The following ADGRG2 variants were observed in gnomAD, a reference collection of about 807,000 sequenced individuals.
ADGRG2 encodes G protein-coupled receptor 64.
A neutral mutation model predicts 74.1 loss-of-function variants in ADGRG2; 26 were observed. The ratio of observed to expected loss-of-function variants is 0.35; its 90% CI spans 0.26 to 0.49. The LOEUF is 0.49. Among genes scored for constraint, ADGRG2 ranks in the 20% least tolerant of loss-of-function variants. The pLI is 0.99. For synonymous variants in ADGRG2, 296 were observed against 295.2 expected (o/e 1.00, Z -0.03); for missense variants, 619 against 763.1 (o/e 0.81, Z 2.22).
chrX:19,117,748 C>G (rs1019874635), intron 1 of ADGRG2, among the ~76,000 whole-genome samples: 2 of 110,713 alleles, frequency 1.8e-5, no homozygotes, highest in Admixed American at 1.9e-4. Context: ...ACCCAGGAGG[C>G]GGAGGTTGCA....
chrX:19,022,138 C>G (rs1376007312), intron 13 of ADGRG2, among the ~76,000 whole-genome samples: 1 of 109,870 alleles, frequency 9.1e-6, no homozygotes, highest in East Asian at 2.9e-4. Flanking sequence ...GTGGTGGGTG[C>G]CTGTAATCCC....
Position 19,037,573 on chromosome X carries a change from T to C in ADGRG2, c.202+16A>G, listed in dbSNP as rs1477267703. ...AATTGGACTAAATCTAGGTTTAAATTTTTTCAAAATCTTGCCTGGAGTACC... is the reference window on the plus strand; with the variant it reads ...AATTGGACTAAATCTAGGTTTAAATCTTTTCAAAATCTTGCCTGGAGTACC... On this transcript the variant is annotated intron_variant, in intron 5 of 28. Coordinates refer to ENST00000379869, the MANE Select transcript of ADGRG2 (RefSeq NM_001079858.3). 1.7e-6 allele frequency: 2 copies of C among 1,165,672 alleles called. No homozygotes were observed. Among genetic ancestry groups the C allele is most frequent in the Admixed American group, 2.3e-5 (1 of 42,793 alleles).
intron 19 of ADGRG2, among the ~76,000 whole-genome samples, chrX:19,007,622 C>T (rs996356593): frequency 3.6e-5 from 4 of 111,767 alleles, no homozygotes; most frequent in Non-Finnish European, 7.5e-5. Context: ...AGCATTAAGC[C>T]ATTTAAGCCG....
chrX:19,105,854 G>A (rs144227559), intron 1 of ADGRG2, among the ~76,000 whole-genome samples: 50 of 103,867 alleles, frequency 4.8e-4, no homozygotes, highest in Non-Finnish European at 7.2e-4. Flanking sequence ...CTTGAACCTG[G>A]GAGGCGGAGG....
chrX:19,065,285 A>G (rs1161755948), intron 3 of ADGRG2, among the ~76,000 whole-genome samples: 44 of 97,482 alleles, frequency 4.5e-4, no homozygotes, highest in African/African-American at 1.6e-3. Context: ...AAAAAAAAAA[A>G]GTAAAGAAAA....
intron 28 of ADGRG2, among the ~76,000 whole-genome samples, chrX:18,992,328 C>T (rs898745313): frequency 3.6e-5 from 4 of 112,471 alleles, no homozygotes; most frequent in African/African-American, 9.7e-5. Flanking sequence ...CTCGTTCTGT[C>T]GCCCATGCTG....
rs554821366 is a variant in ADGRG2 at position 19,085,374 on chromosome X, G to A, written c.-46-2628C>T. On this transcript the variant is annotated intron_variant, in intron 1 of 28. Transcript: ENST00000379869. Reference sequence around the variant, plus strand: ...AATGGGGTCTTGCCTTGTCGCCCAGGCTGAAGTGCAGTGGCTCGATCACAG... The same window carrying A: ...AATGGGGTCTTGCCTTGTCGCCCAGACTGAAGTGCAGTGGCTCGATCACAG... Among the ~76,000 whole-genome samples, 65 of 111,509 alleles carry A rather than the reference G, an allele frequency of 5.8e-4. 1 individual carries two copies. In the South Asian group the frequency reaches 0.024, roughly 41 times the overall value.
chrX:19,104,333 AC>A (rs1381197950), intron 1 of ADGRG2, among the ~76,000 whole-genome samples: 1 of 111,043 alleles, frequency 9.0e-6, no homozygotes, highest in East Asian at 2.9e-4. Flanking sequence ...CCCTCTGGGT[AC>A]AGGTCAAAAA....
chrX:19,092,991 A>C (rs1436381168), intron 1 of ADGRG2, among the ~76,000 whole-genome samples: 1 of 112,291 alleles, frequency 8.9e-6, no homozygotes, highest in Non-Finnish European at 1.9e-5. Context: ...AGTAGGTCAC[A>C]AGGCCTTCAC....
At chrX:19,084,717 C>T (rs1426497493) in intron 1 of ADGRG2, among the ~76,000 whole-genome samples, 1 of 112,267 alleles carries the variant, frequency 8.9e-6, no homozygotes, top group African/African-American at 3.2e-5. Flanking sequence ...CCCAAGCACA[C>T]TACCTCTTCC....
chrX:19,056,368 CGAG>C (rs1044457274), intron 3 of ADGRG2, among the ~76,000 whole-genome samples: 1 of 111,616 alleles, frequency 9.0e-6, no homozygotes, highest in Non-Finnish European at 1.9e-5. Context: ...AGCATGAACC[CGAG>C]GAGGAGAAGT....
At chrX:19,006,189 A>G (rs1278085254) in intron 21 of ADGRG2, 31 bp downstream of exon 21, 1 of 1,152,898 alleles carries the variant, frequency 8.7e-7, no homozygotes, top group Admixed American at 2.2e-5. Context: ...AACCCACTCA[A>G]GAGTTTGAAA....
chrX:19,095,659 T>C (rs1485710627), intron 1 of ADGRG2, among the ~76,000 whole-genome samples: 2 of 111,159 alleles, frequency 1.8e-5, no homozygotes, highest in East Asian at 5.6e-4. Context: ...AATTCTCTCA[T>C]CCAAAATAAA....
At chrX:19,045,031 G>C (rs2061149043) in intron 3 of ADGRG2, among the ~76,000 whole-genome samples, 2 of 111,376 alleles carry the variant, frequency 1.8e-5, no homozygotes, top group Admixed American at 1.9e-4. Context: ...AGGCAGAAGA[G>C]TGGGTCAGAG....
rs748753147 is a variant in ADGRG2, at chrX:19,109,376, A to AT, written c.-47+13065dup. ...TCATTAGTCGTGTTCATTGGTACAG[A>AT]TTTTTTCCTGGAAGCTTTAAAATCC... On this transcript the variant is annotated intron_variant, in intron 1 of 28. Coordinates refer to ENST00000379869, the MANE Select transcript of ADGRG2 (RefSeq NM_001079858.3). Among the ~76,000 whole-genome samples, 7 of 111,658 alleles carry AT rather than the reference A, an allele frequency of 6.3e-5. No homozygotes were observed. The South Asian group carries it at 2.6e-3, about 42-fold the overall frequency.
intron 2 of ADGRG2, among the ~76,000 whole-genome samples, chrX:19,078,438 T>A (rs989683496): frequency 2.7e-5 from 3 of 110,491 alleles, no homozygotes; most frequent in African/African-American, 9.9e-5. Context: ...GCGCCTATGG[T>A]CCCAGCTGCA....
chrX:19,026,995 A>T (rs766237433), intron 11 of ADGRG2, among the ~76,000 whole-genome samples: 1 of 112,116 alleles, frequency 8.9e-6, no homozygotes, highest in East Asian at 2.8e-4. Context: ...CTCAAATGCT[A>T]ATTCAAATGA....
intron 20 of ADGRG2, among the ~76,000 whole-genome samples, chrX:19,006,796 T>C (rs1311340200): frequency 2.9e-5 from 3 of 101,983 alleles, no homozygotes; most frequent in Non-Finnish European, 5.9e-5. Context: ...TCTCACTTTG[T>C]CACCCAAGCT....
chrX:19,023,314 T>G, intron 13 of ADGRG2, 102 bp downstream of exon 13: 1 of 466,288 alleles, frequency 2.1e-6, no homozygotes, highest in East Asian at 3.8e-5. Context: ...GTATTTATTT[T>G]AGAGGACCCC....
Sources: gnomAD v4.1 joint callset for allele counts (sites outside exome capture counted in the v4.1 genomes callset) on GRCh38, gnomAD v4.1.1 for gene constraint, MANE v1.5 for transcripts, NCBI Gene and HGNC (gene_info 2026-07-23, HGNC 2026-07-21) for gene names.